Variants in PDE6A observed in about 807,000 individuals in gnomAD.
PDE6A encodes phosphodiesterase 6A, also known as rod cGMP-specific 3',5'-cyclic phosphodiesterase subunit alpha.
PDE6A carries 84 observed loss-of-function variants against 106.3 expected under a neutral mutation model. That is an observed-to-expected ratio of 0.79 (90% CI 0.66 to 0.95). The LOEUF is 0.95. Ranked by LOEUF, PDE6A falls within the 40% of genes least tolerant of loss-of-function variation. The pLI, the probability that PDE6A is intolerant of heterozygous loss-of-function variation, is 0.00. For synonymous variants in PDE6A, 394 were observed against 386.6 expected, an observed-to-expected ratio of 1.02 and a Z score of -0.23; for missense variants, 1,052 against 1,084.9, an observed-to-expected ratio of 0.97 and a Z score of 0.43.
rs1420699331 is a variant in PDE6A, at chr5:149,884,491, G to A, written c.2015C>T (p.Ala672Val). The change falls in exon 16 of 22, where the codon GCC becomes GTC. Residue 672 changes from alanine (A) to valine (V), a missense_variant. This residue lies in a region of PDE6A where 913 missense variants were observed against 915.2 expected (regional missense o/e 1.00). Transcript: ENST00000255266. ...AAGATATACCAACTTGAAATACAGGGCGAGGTCTGTGGCAATGATTGCAAT... is the reference window on the plus strand; with the variant it reads ...AAGATATACCAACTTGAAATACAGGACGAGGTCTGTGGCAATGATTGCAAT... ...MDIAIIATDL[A>V]LYFKKRTMFQ... The A allele has an allele frequency of 1.9e-6, 3 of 1,610,216 alleles. No homozygotes were observed. In the South Asian group the frequency reaches 3.3e-5, roughly 18 times the overall value.
chr5:149,940,519 G>A (rs1754300392), intron 1 of PDE6A, among the ~76,000 whole-genome samples: 1 of 98,258 alleles, frequency 1.0e-5, no homozygotes, highest in African/African-American at 4.7e-5. Flanking sequence ...TTTTTTTGGA[G>A]ACAGTTTTGC....
intron 17 of PDE6A, among the ~76,000 whole-genome samples, chr5:149,881,235 C>G (rs1175377121): frequency 6.6e-6 from 1 of 152,180 alleles, no homozygotes; most frequent in African/African-American, 2.4e-5. Context: ...GACCCAACAT[C>G]TCATTACTGG....
intron 8 of PDE6A, 149 bp from the exon 9 acceptor site, chr5:149,899,673 G>A (rs1752895749): frequency 3.6e-6 from 3 of 830,024 alleles, no homozygotes; most frequent in African/African-American, 1.7e-5. Flanking sequence ...TTTAATTACC[G>A]ACAACTACCA....
intron 12 of PDE6A, 38 bp from the exon 13 acceptor site, chr5:149,895,328 T>A: frequency 7.4e-7 from 1 of 1,357,614 alleles, no homozygotes; most frequent in Non-Finnish European, 1.1e-6. Context: ...AGGACACACC[T>A]GAAATGGTCT....
At chr5:149,909,013 C>G (rs1258532291) in intron 6 of PDE6A, among the ~76,000 whole-genome samples, 2 of 151,970 alleles carry the variant, frequency 1.3e-5, no homozygotes. Flanking sequence ...GTCAGTTTTA[C>G]TATTAATTTT....
At chr5:149,918,773 G>T (rs1005542236) in intron 5 of PDE6A, among the ~76,000 whole-genome samples, 5 of 151,578 alleles carry the variant, frequency 3.3e-5, no homozygotes, top group Non-Finnish European at 7.4e-5. Flanking sequence ...CACCATGCCC[G>T]GCTACTTTTC....
intron 10 of PDE6A, 45 bp downstream of exon 10, chr5:149,898,318 A>G (rs547037400): frequency 1.9e-6 from 3 of 1,596,916 alleles, no homozygotes; most frequent in African/African-American, 1.3e-5. Context: ...CATCTCTGAG[A>G]CGCAGTCTGT....
At chr5:149,932,446 G>T in intron 3 of PDE6A, 2 of 1,398,574 alleles carry the variant, frequency 1.4e-6, no homozygotes, top group Non-Finnish European at 2.0e-6. Context: ...ATAAGGTCAA[G>T]ATCTGCTGGT....
intron 12 of PDE6A, 83 bp downstream of exon 12, chr5:149,896,273 A>G: frequency 9.0e-7 from 1 of 1,114,754 alleles, no homozygotes; most frequent in Non-Finnish European, 1.4e-6. Context: ...TTTTTAAGGT[A>G]GTTTACAGAT....
Position 149,860,664 on chromosome 5 carries a change from T to TA in PDE6A, c.*230dup, listed in dbSNP as rs1449938477. The stretch of plus-strand genomic sequence containing the variant: ...TTTTTTTTTTGGCGATTTTTTTTTT[T>TA]AAGTTCAACAGCTATCATTAGTGTT... On this transcript the variant is annotated 3_prime_UTR_variant, in exon 22 of 22. Transcript: ENST00000255266. 3 of 417,196 alleles carry TA rather than the reference T, an allele frequency of 7.2e-6. No individual in the cohort carries two copies. Among genetic ancestry groups the TA allele is most frequent in the Non-Finnish European group, 1.3e-5 (3 of 234,802 alleles). 25.8% of individuals were successfully genotyped at this position (417,196 alleles called of 1,614,324 possible).
At chr5:149,932,613 T>A in intron 3 of PDE6A, 1 of 1,612,478 alleles carries the variant, frequency 6.2e-7, no homozygotes, top group Non-Finnish European at 8.5e-7. Flanking sequence ...CCTCATTCGC[T>A]GACTAATGCC....
chr5:149,923,503 AATAACATAACATAACATAACATAAC>A (rs70973555), intron 4 of PDE6A, among the ~76,000 whole-genome samples: 13,401 of 137,190 alleles, frequency 0.098, 767 homozygotes, highest in African/African-American at 0.11. Context: ...GTCTCAAATA[AATAACATAACATAACATAACATAAC>A]ATAACATAAC....
At chr5:149,943,326 G>A (rs1301616603) in intron 1 of PDE6A, among the ~76,000 whole-genome samples, 1 of 152,192 alleles carries the variant, frequency 6.6e-6, no homozygotes, top group African/African-American at 2.4e-5. Flanking sequence ...GCAAGCACAG[G>A]GTTGGGGCTA....
chr5:149,915,032 CTTTTTTTTTT>C, intron 5 of PDE6A, 25 bp from the exon 6 acceptor site: 6 of 795,812 alleles, frequency 7.5e-6, no homozygotes, highest in Middle Eastern at 4.0e-4. Context: ...AAAAATTATA[CTTTTTTTTTT>C]TTTTTTTTTT....
chr5:149,895,363 A>G (rs574067336), intron 12 of PDE6A, 73 bp from the exon 13 acceptor site: 1 of 1,010,464 alleles, frequency 9.9e-7, no homozygotes, highest in South Asian at 1.3e-5. Flanking sequence ...TAACAAAAAT[A>G]TGAAGAAGGC....
At chr5:149,893,960 A>G (rs932255630) in intron 13 of PDE6A, among the ~76,000 whole-genome samples, 6 of 152,204 alleles carry the variant, frequency 3.9e-5, no homozygotes, top group South Asian at 4.1e-4. Flanking sequence ...ATAGATGAAT[A>G]TAAGTTAGTG....
Position 149,944,727 on chromosome 5 carries a change from A to G in PDE6A, c.-54T>C. The G allele has an allele frequency of 2.8e-6, 4 of 1,451,436 alleles. No individual in the cohort carries two copies. The highest frequency in any genetic ancestry group is 1.2e-5 in the South Asian group (1 of 83,198). 89.9% of individuals were successfully genotyped at this position (1,451,436 alleles called of 1,614,324 possible). ...GAAGGACTGGGACGGAGGCCTTCCAATGGCAGTTTTGCAGTCTGCAACAAG... is the reference window on the plus strand; with the variant it reads ...GAAGGACTGGGACGGAGGCCTTCCAGTGGCAGTTTTGCAGTCTGCAACAAG... On this transcript the variant is annotated 5_prime_UTR_variant, in exon 1 of 22. Coordinates refer to ENST00000255266, the MANE Select transcript of PDE6A (RefSeq NM_000440.3).
At chr5:149,931,311 A>G (rs2113656700) in intron 3 of PDE6A, 143 bp from the exon 4 acceptor site, 2 of 759,618 alleles carry the variant, frequency 2.6e-6, no homozygotes, top group Middle Eastern at 3.2e-4. Flanking sequence ...TAGACAGGTT[A>G]ACTATCCCCT....
chr5:149,926,997 A>AG (rs1554091802), intron 4 of PDE6A, among the ~76,000 whole-genome samples: 16 of 150,892 alleles, frequency 1.1e-4, no homozygotes, highest in Admixed American at 4.6e-4. Flanking sequence ...AAAAAAAAAA[A>AG]AGAGAGAGAG....
Sources: allele counts gnomAD v4.1 joint callset (sites outside exome capture counted in the v4.1 genomes callset), GRCh38; gene constraint gnomAD v4.1.1; regional missense constraint gnomAD v4.1.1; transcripts MANE v1.5; gene names NCBI Gene and HGNC (gene_info 2026-07-23, HGNC 2026-07-21).